The following GALNT17 variants were observed in gnomAD, a reference collection of about 807,000 sequenced individuals.
GALNT17 encodes polypeptide N-acetylgalactosaminyltransferase 17, also known as UDP-GalNAc:polypeptide N-acetylgalactosaminyltransferase-like 3.
GALNT17 carries 29 observed loss-of-function variants against 63.7 expected under a neutral mutation model. The ratio of observed to expected loss-of-function variants is 0.46; its 90% CI spans 0.34 to 0.62. GALNT17 has a LOEUF of 0.62. GALNT17 is among the 20% of genes least tolerant of loss of function. The probability of loss-of-function intolerance (pLI) is 0.01; values close to 1 mark genes in which losing one functional copy is unlikely to be tolerated. For synonymous variants in GALNT17, 305 were observed against 318.3 expected (o/e 0.96, Z 0.45); for missense variants, 603 against 799.6 (o/e 0.75, Z 2.97).
At chr7:71,619,816 C>G (rs928905938) in intron 6 of GALNT17, among the ~76,000 whole-genome samples, 14 of 152,094 alleles carry the variant, frequency 9.2e-5, no homozygotes, top group African/African-American at 3.4e-4. Flanking sequence ...GCTAGGACTT[C>G]CAGTACTATG....
intron 1 of GALNT17, among the ~76,000 whole-genome samples, chr7:71,139,523 C>G (rs769500805): frequency 1.3e-5 from 2 of 152,148 alleles, no homozygotes; most frequent in Non-Finnish European, 2.9e-5. Flanking sequence ...TCCAGTCCTG[C>G]CCCCAAGCCA....
intron 1 of GALNT17, among the ~76,000 whole-genome samples, chr7:71,145,988 G>C (rs932602819): frequency 3.3e-5 from 5 of 152,192 alleles, no homozygotes; most frequent in African/African-American, 1.2e-4. Flanking sequence ...TTACAGGCGC[G>C]AGCCACCGTA....
chr7:71,506,060 A>G (rs1788260796), intron 5 of GALNT17, among the ~76,000 whole-genome samples: 1 of 152,222 alleles, frequency 6.6e-6, no homozygotes, highest in African/African-American at 2.4e-5. Flanking sequence ...TCCTTTGGAT[A>G]AATACCTAGT....
intron 8 of GALNT17, among the ~76,000 whole-genome samples, chr7:71,673,657 C>T (rs187588036): frequency 1.2e-4 from 19 of 152,330 alleles, no homozygotes; most frequent in Admixed American, 9.8e-4. Flanking sequence ...CTGTGCCCCC[C>T]AGGCTGGAGT....
rs1327263888 is a variant in GALNT17 at position 71,693,299 on chromosome 7, C to CATAT, written c.1500+15994_1500+15995insTATA. On this transcript the variant is annotated intron_variant, in intron 9 of 10. Transcript: ENST00000333538. ...ACACACACACACACACACACACACA[C>CATAT]ACACACACACATATATATATATGGA... Among the ~76,000 whole-genome samples, 263 of 116,256 alleles carry CATAT rather than the reference C, an allele frequency of 2.3e-3. 6 individuals carry two copies. Among genetic ancestry groups the CATAT allele is most frequent in the Middle Eastern group, 0.014 (3 of 214 alleles). The allele number at this position is 116,256 out of a possible 152,430, so 76.3% of individuals were successfully genotyped here.
intron 5 of GALNT17, among the ~76,000 whole-genome samples, chr7:71,567,235 A>G (rs540927266): frequency 6.6e-6 from 1 of 152,304 alleles, no homozygotes; most frequent in African/African-American, 2.4e-5. Flanking sequence ...GATGCACATT[A>G]GAAGCCATGC....
chr7:71,572,637 C>T (rs1172109658), intron 6 of GALNT17, among the ~76,000 whole-genome samples: 1 of 151,692 alleles, frequency 6.6e-6, no homozygotes, highest in African/African-American at 2.4e-5. Context: ...CTAATTACCA[C>T]TGTGTGTGGA....
At chr7:71,537,303 G>T (rs1182035122) in intron 5 of GALNT17, among the ~76,000 whole-genome samples, 1 of 152,162 alleles carries the variant, frequency 6.6e-6, no homozygotes, top group Non-Finnish European at 1.5e-5. Flanking sequence ...GTATAATATG[G>T]TAGGGTGAAT....
chr7:71,698,220 C>G (rs1488843651), intron 9 of GALNT17, among the ~76,000 whole-genome samples: 2 of 151,470 alleles, frequency 1.3e-5, no homozygotes, highest in Non-Finnish European at 2.9e-5. Flanking sequence ...TTCAGATAAA[C>G]TAAATCTGAC....
At position 71,571,396 on chromosome 7, in the gene GALNT17, A is replaced by G; in HGVS notation, c.1074A>G (p.Gly358=). ...DVYGGENIEL[G]IKVWLCGGSM... ...ACGGAGGAGAAAATATTGAACTGGG[A>G]ATCAAGGTTTGTGACATGGTGTCCC... Residue 358 remains glycine (G), a synonymous_variant, in exon 6 of 11, where the codon GGA becomes GGG. Coordinates refer to ENST00000333538, the MANE Select transcript of GALNT17 (RefSeq NM_022479.3). 6.2e-7 allele frequency: 1 copy of G among 1,613,398 alleles called. No individual in the cohort carries two copies. Among genetic ancestry groups the G allele is most frequent in the Non-Finnish European group, 8.5e-7 (1 of 1,179,422 alleles).
At position 71,377,114 on chromosome 7, in the gene GALNT17, A is replaced by AAAAAAAAAAAATATATATATATATAT; in HGVS notation, c.423-11120_423-11119insAAAAAAAAAATATATATATATATATA. Among the ~76,000 whole-genome samples the AAAAAAAAAAAATATATATATATATAT allele has an allele frequency of 5.2e-5, 3 of 57,486 alleles. 1 individual carries two copies. Among genetic ancestry groups the AAAAAAAAAAAATATATATATATATAT allele is most frequent in the Non-Finnish European group, 9.0e-5 (3 of 33,278 alleles). 37.7% of individuals were successfully genotyped at this position (57,486 alleles called of 152,430 possible). On this transcript the variant is annotated intron_variant, in intron 2 of 10. Transcript: ENST00000333538. Reference sequence around the variant, plus strand: ...AAAAAAAAAAAATAAAAATAAAAAAAATATATATATATATATATATATATA... The same window carrying AAAAAAAAAAAATATATATATATATAT: ...AAAAAAAAAAAATAAAAATAAAAAAAAAAAAAAAAAATATATATATATATATATATATATATATATATATATATATA...
intron 6 of GALNT17, among the ~76,000 whole-genome samples, chr7:71,624,084 C>T (rs1790336064): frequency 6.6e-6 from 1 of 152,144 alleles, no homozygotes; most frequent in African/African-American, 2.4e-5. Flanking sequence ...TTTGCGATGT[C>T]GGCGGCTGTC....
chr7:71,391,253 G>A (rs1408147593), intron 3 of GALNT17, among the ~76,000 whole-genome samples: 1 of 152,140 alleles, frequency 6.6e-6, no homozygotes, highest in Admixed American at 6.5e-5. Flanking sequence ...GGGCTGGATT[G>A]GGGTGAAGAC....
At chr7:71,496,255 A>C (rs1788092394) in intron 5 of GALNT17, among the ~76,000 whole-genome samples, 1 of 152,042 alleles carries the variant, frequency 6.6e-6, no homozygotes, top group African/African-American at 2.4e-5. Flanking sequence ...GGGAATCCCC[A>C]GGTGGCAGAA....
At chr7:71,315,321 G>C (rs2115966386) in intron 1 of GALNT17, among the ~76,000 whole-genome samples, 1 of 152,312 alleles carries the variant, frequency 6.6e-6, no homozygotes, top group Admixed American at 6.5e-5. Flanking sequence ...GATGGATAAG[G>C]CTGCTGTGAA....
At chr7:71,572,543 G>A (rs1789465688) in intron 6 of GALNT17, among the ~76,000 whole-genome samples, 3 of 134,412 alleles carry the variant, frequency 2.2e-5, no homozygotes, top group Admixed American at 7.7e-5. Flanking sequence ...ACATGTTTAA[G>A]GTGTACAGGT....
intron 6 of GALNT17, among the ~76,000 whole-genome samples, chr7:71,581,461 C>T (rs1415615489): frequency 7.2e-5 from 11 of 152,092 alleles, no homozygotes; most frequent in Admixed American, 7.2e-4. Context: ...CGCCCGGCCA[C>T]GTTTAAAGCA....
intron 1 of GALNT17, among the ~76,000 whole-genome samples, chr7:71,213,097 G>A (rs2116397090): frequency 6.6e-6 from 1 of 152,318 alleles, no homozygotes; most frequent in South Asian, 2.1e-4. Context: ...ATCTCAACTT[G>A]AGTTGTATCT....
chr7:71,181,285 G>A (rs1276694565), intron 1 of GALNT17, among the ~76,000 whole-genome samples: 1 of 150,802 alleles, frequency 6.6e-6, no homozygotes, highest in South Asian at 2.1e-4. Context: ...GCTTAAAACC[G>A]CAATTATTTG....
Sources: gnomAD v4.1 joint callset for allele counts (sites outside exome capture counted in the v4.1 genomes callset) on GRCh38, gnomAD v4.1.1 for gene constraint, MANE v1.5 for transcripts, NCBI Gene and HGNC (gene_info 2026-07-23, HGNC 2026-07-21) for gene names.